ADGRL3: variants seen among roughly 807,000 people sequenced by gnomAD.
The protein encoded by ADGRL3 is calcium-independent alpha-latrotoxin receptor 3.
Under a neutral mutation model 153.5 loss-of-function variants are expected in ADGRL3, and 62 were observed. The ratio of observed to expected loss-of-function variants is 0.40; its 90% CI spans 0.33 to 0.50. ADGRL3 has a LOEUF of 0.50. Among genes scored for constraint, ADGRL3 ranks in the 20% least tolerant of loss-of-function variants. The pLI, the probability that ADGRL3 is intolerant of heterozygous loss-of-function variation, is 0.47. For missense variants in ADGRL3, 1,641 were observed against 1,859.4 expected (o/e 0.88, Z 2.16); for synonymous variants, 710 against 672.5 (o/e 1.06, Z -0.86).
At chr4:61,629,123 G>C (rs747552892) in intron 5 of ADGRL3, among the ~76,000 whole-genome samples, 4 of 152,074 alleles carry the variant, frequency 2.6e-5, no homozygotes, top group African/African-American at 4.8e-5. Flanking sequence ...ATATACAGAT[G>C]GAGACTCTTT....
intron 1 of ADGRL3, among the ~76,000 whole-genome samples, chr4:61,373,282 AT>A (rs2096562773): frequency 6.6e-6 from 1 of 152,128 alleles, no homozygotes; most frequent in East Asian, 1.9e-4. Context: ...TATCTAGTTC[AT>A]CTTTGCTCTT....
intron 21 of ADGRL3, among the ~76,000 whole-genome samples, chr4:62,012,050 C>T (rs955612937): frequency 1.3e-5 from 2 of 151,774 alleles, no homozygotes; most frequent in African/African-American, 4.8e-5. Flanking sequence ...TGAAAATTGA[C>T]CAAAATTTGC....
chr4:61,891,550 A>C (rs946456324), intron 9 of ADGRL3, among the ~76,000 whole-genome samples: 12 of 152,170 alleles, frequency 7.9e-5, no homozygotes, highest in Non-Finnish European at 1.0e-4. Context: ...GAAGCTTTAT[A>C]TACACCAAAT....
At chr4:61,390,885 C>G (rs559570777) in intron 2 of ADGRL3, among the ~76,000 whole-genome samples, 3 of 152,158 alleles carry the variant, frequency 2.0e-5, no homozygotes, top group African/African-American at 7.2e-5. Context: ...TCCTATGTAT[C>G]GTACAATGTG....
chr4:61,703,363 A>G (rs1410603594), intron 6 of ADGRL3, among the ~76,000 whole-genome samples: 1 of 152,140 alleles, frequency 6.6e-6, no homozygotes, highest in Non-Finnish European at 1.5e-5. Context: ...CTCCTGTGAA[A>G]GTGCTTTTGA....
chr4:61,455,271 G>A (rs1334335083), intron 2 of ADGRL3, among the ~76,000 whole-genome samples: 1 of 152,144 alleles, frequency 6.6e-6, no homozygotes, highest in African/African-American at 2.4e-5. Flanking sequence ...GAATAGCATC[G>A]AAGCAGTATG....
chr4:61,280,967 A>T (rs1684660977), intron 1 of ADGRL3, among the ~76,000 whole-genome samples: 1 of 152,086 alleles, frequency 6.6e-6, no homozygotes, highest in Non-Finnish European at 1.5e-5. Context: ...AAACATATTG[A>T]TAGGTAGATA....
At chr4:61,591,467 T>G (rs533338154) in intron 5 of ADGRL3, among the ~76,000 whole-genome samples, 1 of 152,270 alleles carries the variant, frequency 6.6e-6, no homozygotes, top group East Asian at 1.9e-4. Flanking sequence ...AATGTATTAT[T>G]TTAAAGCTAA....
At chr4:61,579,538 T>G (rs1320419111) in intron 4 of ADGRL3, 1 of 492,086 alleles carries the variant, frequency 2.0e-6, no homozygotes, top group Non-Finnish European at 4.0e-6. Flanking sequence ...TAGGCAATCC[T>G]CAGGTAGACG....
intron 8 of ADGRL3, among the ~76,000 whole-genome samples, chr4:61,764,077 G>A (rs1438058700): frequency 1.3e-5 from 2 of 152,016 alleles, no homozygotes; most frequent in Admixed American, 1.3e-4. Context: ...TGGGGTTTCA[G>A]GAATATTTAT....
chr4:61,570,112 G>T (rs1300437847), intron 4 of ADGRL3, among the ~76,000 whole-genome samples: 1 of 152,062 alleles, frequency 6.6e-6, no homozygotes, highest in Non-Finnish European at 1.5e-5. Flanking sequence ...TAATTCATAT[G>T]ATCATCATTT....
intron 8 of ADGRL3, among the ~76,000 whole-genome samples, chr4:61,749,339 A>T (rs951323760): frequency 2.0e-5 from 3 of 152,094 alleles, no homozygotes; most frequent in African/African-American, 7.3e-5. Context: ...ATACCAATTG[A>T]CCCAGGCATC....
At chr4:61,841,591 A>C (rs1393626018) in intron 9 of ADGRL3, among the ~76,000 whole-genome samples, 2 of 152,232 alleles carry the variant, frequency 1.3e-5, no homozygotes, top group Non-Finnish European at 2.9e-5. Flanking sequence ...TTCATACCTG[A>C]GGACAAATTC....
intron 3 of ADGRL3, among the ~76,000 whole-genome samples, chr4:61,501,600 C>A (rs1278136326): frequency 2.0e-5 from 3 of 152,050 alleles, no homozygotes; most frequent in Admixed American, 2.0e-4. Context: ...TTACTAATAT[C>A]TAAATAAAAT....
At chr4:61,555,557 A>T (rs1230439231) in intron 4 of ADGRL3, among the ~76,000 whole-genome samples, 1 of 152,192 alleles carries the variant, frequency 6.6e-6, no homozygotes, top group East Asian at 1.9e-4. Flanking sequence ...CAGACAAAAT[A>T]GCCTGCCCTC....
intron 6 of ADGRL3, among the ~76,000 whole-genome samples, chr4:61,695,102 C>A (rs1458929798): frequency 6.6e-6 from 1 of 152,160 alleles, no homozygotes; most frequent in Non-Finnish European, 1.5e-5. Context: ...GGGTTAGAAG[C>A]AACTCCTGTT....
At chr4:62,031,644 G>A (rs746273007) in intron 23 of ADGRL3, 34 bp downstream of exon 23, 51 of 1,485,842 alleles carry the variant, frequency 3.4e-5, no homozygotes, top group African/African-American at 5.6e-5. Flanking sequence ...AATAAAAATG[G>A]CATACATTTC....
chr4:61,651,907 A>T (rs1343890707), intron 5 of ADGRL3, among the ~76,000 whole-genome samples: 1 of 151,764 alleles, frequency 6.6e-6, no homozygotes, highest in Non-Finnish European at 1.5e-5. Context: ...GAGCCACCGA[A>T]CCTGGCCCAA....
chr4:61,241,556 T>G (rs1380249554), intron 1 of ADGRL3, among the ~76,000 whole-genome samples: 3 of 152,098 alleles, frequency 2.0e-5, no homozygotes, highest in African/African-American at 7.2e-5. Flanking sequence ...TTATTTCATA[T>G]TTGATTTTTA....
Sources: gnomAD v4.1 joint callset for allele counts (sites outside exome capture counted in the v4.1 genomes callset) on GRCh38, gnomAD v4.1.1 for gene constraint, MANE v1.5 for transcripts, NCBI Gene and HGNC (gene_info 2026-07-23, HGNC 2026-07-21) for gene names.